KCNH1: variants seen among roughly 807,000 people sequenced by gnomAD.
KCNH1 encodes potassium voltage-gated channel subfamily H member 1, also known as voltage-gated delayed rectifier potassium channel KCNH1.
A neutral mutation model predicts 69.2 loss-of-function variants in KCNH1; 27 were observed. The observed-to-expected ratio is 0.39, with a 90% CI of 0.29 to 0.54. KCNH1 has a LOEUF of 0.54. Among genes scored for constraint, KCNH1 ranks in the 20% least tolerant of loss-of-function variants. The pLI is 0.68. For missense variants in KCNH1, 798 were observed against 1,261.6 expected (o/e 0.63, Z 5.57); for synonymous variants, 456 against 487.7 (o/e 0.93, Z 0.86).
chr1:211,099,560 C>T lies in KCNH1; in HGVS notation c.310+3936G>A, dbSNP rs78880169. Among the ~76,000 whole-genome samples the T allele has an allele frequency of 9.0e-3, 1,372 of 152,270 alleles. 13 individuals are homozygous for T. Among genetic ancestry groups the T allele is most frequent in the African/African-American group, 0.031 (1,279 of 41,540 alleles). On this transcript the variant is annotated intron_variant, in intron 3 of 10. Coordinates refer to ENST00000271751, the MANE Select transcript of KCNH1 (RefSeq NM_172362.3). ...AACATGAACCCTCCTTCCTCCCCTCCGCCCCATTTCCGTTCCCAGTGGACT... is the reference window on the plus strand; with the variant it reads ...AACATGAACCCTCCTTCCTCCCCTCTGCCCCATTTCCGTTCCCAGTGGACT...
chr1:210,725,318 A>C (rs1250128496), intron 10 of KCNH1, among the ~76,000 whole-genome samples: 1 of 152,170 alleles, frequency 6.6e-6, no homozygotes, highest in African/African-American at 2.4e-5. Flanking sequence ...TAAGGTATTC[A>C]TTCAGTTTTT....
intron 10 of KCNH1, among the ~76,000 whole-genome samples, chr1:210,709,726 GAGAGAGAGAGAGAGAA>G (rs967150671): frequency 2.2e-4 from 10 of 45,066 alleles, no homozygotes; most frequent in Non-Finnish European, 2.8e-4. Flanking sequence ...AGAAAGAAGA[GAGAGAGAGAGAGAGAA>G]AGAGAGAGAG....
At chr1:210,955,247 T>C (rs974589079) in intron 6 of KCNH1, among the ~76,000 whole-genome samples, 2 of 152,198 alleles carry the variant, frequency 1.3e-5, no homozygotes, top group Non-Finnish European at 2.9e-5. Context: ...CTCTGTTCTG[T>C]TCTATTAGTC....
intron 10 of KCNH1, among the ~76,000 whole-genome samples, chr1:210,770,251 T>C (rs1435660466): frequency 6.6e-6 from 1 of 152,108 alleles, no homozygotes; most frequent in Non-Finnish European, 1.5e-5. Flanking sequence ...AAAAACCTAA[T>C]GCACATGGGA....
chr1:210,683,675 A>G lies in KCNH1; in HGVS notation c.2576T>C (p.Met859Thr). ...DWNKVSKAES[M>T]ETLPERTKAS... The stretch of plus-strand genomic sequence containing the variant: ...TTTTGTCCTCTCGGGAAGTGTCTCC[A>G]TCGACTCAGCCTTGGACACCTTGTT... The change falls in exon 11 of 11, where the codon ATG becomes ACG. Residue 859 changes from methionine to threonine, a missense_variant. By Grantham distance (81) the Met-to-Thr change is moderately conservative. Transcript: ENST00000271751. The surrounding 1 kb of genome is among the most constrained non-coding windows in gnomAD (Gnocchi z 5.7). The G allele has an allele frequency of 6.2e-7, 1 of 1,614,206 alleles. No individual in the cohort carries two copies. The highest frequency in any genetic ancestry group is 8.5e-7 in the Non-Finnish European group (1 of 1,180,040).
At chr1:210,945,337 A>G (rs1687939360) in intron 6 of KCNH1, among the ~76,000 whole-genome samples, 1 of 152,234 alleles carries the variant, frequency 6.6e-6, no homozygotes, top group Non-Finnish European at 1.5e-5. Flanking sequence ...TATAAACATG[A>G]CCTCATTTAA....
At chr1:211,037,492 C>CTT (rs59386390) in intron 5 of KCNH1, among the ~76,000 whole-genome samples, 2,797 of 115,334 alleles carry the variant, frequency 0.024, 62 homozygotes, top group African/African-American at 0.052. Context: ...TAATTCAGTG[C>CTT]TTTTTTTTTT....
intron 3 of KCNH1, among the ~76,000 whole-genome samples, chr1:211,096,251 A>G (rs369038078): frequency 3.3e-5 from 5 of 151,960 alleles, no homozygotes; most frequent in African/African-American, 1.2e-4. Context: ...TTTAGTAGAG[A>G]TGGGGTTTTG....
At chr1:210,704,746 A>G (rs998842630) in intron 10 of KCNH1, among the ~76,000 whole-genome samples, 2 of 152,192 alleles carry the variant, frequency 1.3e-5, no homozygotes, top group Non-Finnish European at 2.9e-5. Flanking sequence ...CCAAACCTGT[A>G]TCTAATCATC....
chr1:210,823,079 T>A (rs1684961973), intron 7 of KCNH1, among the ~76,000 whole-genome samples: 1 of 152,166 alleles, frequency 6.6e-6, no homozygotes, highest in East Asian at 1.9e-4. Context: ...TTCCTCTCTG[T>A]GTGAGCTGCT....
intron 3 of KCNH1, among the ~76,000 whole-genome samples, chr1:211,097,403 G>A (rs1416534000): frequency 6.6e-6 from 1 of 151,866 alleles, no homozygotes; most frequent in Non-Finnish European, 1.5e-5. Flanking sequence ...AAAGGAAAAC[G>A]CTGACATAAA....
intron 10 of KCNH1, among the ~76,000 whole-genome samples, chr1:210,705,156 C>G (rs994695334): frequency 6.6e-6 from 1 of 152,212 alleles, no homozygotes; most frequent in Non-Finnish European, 1.5e-5. Context: ...CTACCACTCC[C>G]TGCCAGGCTG....
Position 210,999,666 on chromosome 1 carries a change from A to AG in KCNH1, c.1032+19116dup, listed in dbSNP as rs1172881191. Among the ~76,000 whole-genome samples the AG allele has an allele frequency of 4.4e-4, 67 of 152,348 alleles. 1 individual carries two copies. Among genetic ancestry groups the AG allele is most frequent in the African/African-American group, 1.5e-3 (63 of 41,586 alleles). ...GGAATCCTCCCTAACTCATTTTATG[A>AG]GGCCAGCATCATCCTCATACCAAAG... On this transcript the variant is annotated intron_variant, in intron 6 of 10. Coordinates refer to ENST00000271751, the MANE Select transcript of KCNH1 (RefSeq NM_172362.3).
At chr1:210,785,827 T>A (rs1356720455) in intron 9 of KCNH1, among the ~76,000 whole-genome samples, 5 of 152,192 alleles carry the variant, frequency 3.3e-5, no homozygotes, top group African/African-American at 1.2e-4. Context: ...AGGAAGGATG[T>A]TCTTTCTGTC....
chr1:210,840,634 T>G (rs529993701), intron 7 of KCNH1, among the ~76,000 whole-genome samples: 218 of 152,306 alleles, frequency 1.4e-3, no homozygotes, highest in Non-Finnish European at 2.1e-3. Flanking sequence ...CTTCGAGCAT[T>G]CTGCAAAGCG....
At chr1:211,083,162 T>C (rs1172107175) in intron 4 of KCNH1, among the ~76,000 whole-genome samples, 1 of 152,230 alleles carries the variant, frequency 6.6e-6, no homozygotes, top group Non-Finnish European at 1.5e-5. Context: ...ATTTTACAAA[T>C]AGGGAGACTA....
At chr1:210,821,782 G>T (rs1407523447) in intron 7 of KCNH1, among the ~76,000 whole-genome samples, 1 of 151,536 alleles carries the variant, frequency 6.6e-6, no homozygotes, top group Non-Finnish European at 1.5e-5. Context: ...CAACCACTTG[G>T]TCCAATAGAT....
chr1:210,986,389 T>G (rs1374549218), intron 6 of KCNH1, among the ~76,000 whole-genome samples: 1 of 152,246 alleles, frequency 6.6e-6, no homozygotes, highest in Non-Finnish European at 1.5e-5. Context: ...TGATGGTCTT[T>G]ACAACTTGGC....
intron 5 of KCNH1, among the ~76,000 whole-genome samples, chr1:211,029,797 G>T (rs1022354840): frequency 5.3e-5 from 8 of 152,008 alleles, no homozygotes; most frequent in Admixed American, 1.3e-4. Context: ...ACATCCCAAA[G>T]AATTCACATA....
Sources: allele counts gnomAD v4.1 joint callset (sites outside exome capture counted in the v4.1 genomes callset), GRCh38; gene constraint gnomAD v4.1.1; non-coding constraint Gnocchi (gnomAD v3.1); transcripts MANE v1.5; gene names NCBI Gene and HGNC (gene_info 2026-07-23, HGNC 2026-07-21).